Variants in SLAIN2 observed in about 807,000 individuals in gnomAD.
SLAIN2 encodes SLAIN family member 2.
Under a neutral mutation model 56.6 loss-of-function variants are expected in SLAIN2, and 31 were observed. That is an observed-to-expected ratio of 0.55 (90% CI 0.41 to 0.74). The LOEUF is 0.74. SLAIN2 is among the 30% of genes least tolerant of loss of function. SLAIN2 has a pLI of 0.00. For synonymous variants in SLAIN2, 317 were observed against 284.9 expected, an observed-to-expected ratio of 1.11 and a Z score of -1.13; for missense variants, 777 against 754.2, an observed-to-expected ratio of 1.03 and a Z score of -0.35.
chr4:48,348,608 T>C (rs1397727110), intron 1 of SLAIN2, among the ~76,000 whole-genome samples: 1 of 150,156 alleles, frequency 6.7e-6, no homozygotes, highest in African/African-American at 2.5e-5. Context: ...GAGAATTGCT[T>C]GAATCCGGGA....
chr4:48,376,433 T>C (rs1244000543), intron 2 of SLAIN2, among the ~76,000 whole-genome samples: 1 of 134,106 alleles, frequency 7.5e-6, no homozygotes, highest in South Asian at 2.5e-4. Context: ...CCAGCCTGGG[T>C]GACAGCAAAA....
chr4:48,365,528 A>G (rs1189939002), intron 1 of SLAIN2, among the ~76,000 whole-genome samples: 4 of 150,446 alleles, frequency 2.7e-5, no homozygotes, highest in Non-Finnish European at 1.5e-5. Context: ...AATCTTTATA[A>G]TTTCCTTCTG....
At chr4:48,352,981 TTG>T (rs1483236781) in intron 1 of SLAIN2, among the ~76,000 whole-genome samples, 1 of 152,174 alleles carries the variant, frequency 6.6e-6, no homozygotes, top group African/African-American at 2.4e-5. Context: ...GTTTCCGCTT[TTG>T]TGTCTTCCTC....
chr4:48,389,967 GA>G (rs1370747715), intron 6 of SLAIN2, among the ~76,000 whole-genome samples: 1 of 152,148 alleles, frequency 6.6e-6, no homozygotes, highest in African/African-American at 2.4e-5. Flanking sequence ...GGTGAGACTA[GA>G]AACCACTTAG....
intron 4 of SLAIN2, among the ~76,000 whole-genome samples, chr4:48,382,252 A>G (rs1242522487): frequency 2.6e-5 from 4 of 151,972 alleles, no homozygotes; most frequent in Non-Finnish European, 5.9e-5. Flanking sequence ...TCAAATTTGG[A>G]TTACTGTCTT....
chr4:48,418,411 C>A (rs999749948), intron 6 of SLAIN2, among the ~76,000 whole-genome samples: 2 of 152,046 alleles, frequency 1.3e-5, no homozygotes, highest in Admixed American at 6.5e-5. Flanking sequence ...TCCGCTGTTA[C>A]AATTCTGTGA....
At chr4:48,400,183 T>C (rs1716510068) in intron 6 of SLAIN2, among the ~76,000 whole-genome samples, 2 of 152,134 alleles carry the variant, frequency 1.3e-5, no homozygotes, top group African/African-American at 4.8e-5. Context: ...ATTTCAGAAC[T>C]CATTATTGGT....
At chr4:48,348,669 G>A (rs563827230) in intron 1 of SLAIN2, among the ~76,000 whole-genome samples, 15 of 141,140 alleles carry the variant, frequency 1.1e-4, no homozygotes, top group East Asian at 2.0e-4. Flanking sequence ...CAGCCTGGGC[G>A]ACAGAGCAAG....
At position 48,359,883 on chromosome 4, in the gene SLAIN2, C is replaced by T. The variant is rs372761389; in HGVS notation, c.390-9966C>T. 6.8e-4 allele frequency among the ~76,000 whole-genome samples: 103 copies of T among 152,262 alleles called. No homozygotes were observed. The East Asian group carries it at 0.01, about 15-fold the overall frequency. On this transcript the variant is annotated intron_variant, in intron 1 of 7. Transcript: ENST00000264313. ...TATTTAATAGTGGTTAGGCCGGGCA[C>T]GGTGGCTTACGCCTGTAATCCCAGC...
At chr4:48,407,179 A>G (rs1454441717) in intron 6 of SLAIN2, among the ~76,000 whole-genome samples, 2 of 151,830 alleles carry the variant, frequency 1.3e-5, no homozygotes, top group Non-Finnish European at 2.9e-5. Context: ...CTTCTCTCGA[A>G]TTATTTTTTT....
Position 48,420,119 on chromosome 4 carries a change from C to G in SLAIN2, c.1361-6C>G. 6.2e-7 allele frequency: 1 copy of G among 1,612,982 alleles called. No homozygotes were observed. Among genetic ancestry groups the G allele is most frequent in the Non-Finnish European group, 8.5e-7 (1 of 1,179,114 alleles). ...CAAAAATTGGTTTTTCTTTGCCATCCCACAGTACCTTCTCCAGGCAAATTC... is the reference window on the plus strand; with the variant it reads ...CAAAAATTGGTTTTTCTTTGCCATCGCACAGTACCTTCTCCAGGCAAATTC... On this transcript the variant is annotated splice_region_variant and splice_polypyrimidine_tract_variant and intron_variant, in intron 6 of 7. Coordinates refer to ENST00000264313, the MANE Select transcript of SLAIN2 (RefSeq NM_020846.2).
Position 48,420,409 on chromosome 4 carries a change from G to C in SLAIN2, c.1645G>C (p.Val549Leu). The change falls in exon 7 of 8, where the codon GTG (valine) becomes CTG (leucine). Residue 549 changes from valine to leucine, a missense_variant. Physicochemically the swap from Val to Leu is conservative, Grantham distance 32. Transcript: ENST00000264313. ...PSAPSAGGIP[V>L]PRSKLAQPVR... Reference sequence around the variant, plus strand: ...TGCCCCTTCTGCTGGGGGCATACCAGTGCCTCGCAGCAAACTTGCACAGCC... The same window carrying C: ...TGCCCCTTCTGCTGGGGGCATACCACTGCCTCGCAGCAAACTTGCACAGCC... 1.2e-6 allele frequency: 2 copies of C among 1,614,002 alleles called. No individual in the cohort carries two copies. The highest frequency in any genetic ancestry group is 2.2e-5 in the East Asian group (1 of 44,880).
chr4:48,400,455 G>T, intron 6 of SLAIN2, among the ~76,000 whole-genome samples: 1 of 142,872 alleles, frequency 7.0e-6, no homozygotes. Context: ...GTAGTGCAGT[G>T]GCATAATCTT....
chr4:48,387,068 A>G (rs1165385388), intron 6 of SLAIN2, among the ~76,000 whole-genome samples: 1 of 152,142 alleles, frequency 6.6e-6, no homozygotes, highest in Non-Finnish European at 1.5e-5. Flanking sequence ...TACATGTCCA[A>G]ACAGCATCCC....
chr4:48,355,960 C>A (rs1442814896), intron 1 of SLAIN2, among the ~76,000 whole-genome samples: 1 of 151,612 alleles, frequency 6.6e-6, no homozygotes, highest in Non-Finnish European at 1.5e-5. Flanking sequence ...GTTAATAAAC[C>A]TTTGTTATCA....
intron 1 of SLAIN2, among the ~76,000 whole-genome samples, chr4:48,353,498 T>TAGTG (rs1715074242): frequency 6.6e-6 from 1 of 152,134 alleles, no homozygotes; most frequent in Non-Finnish European, 1.5e-5. Context: ...TTTTCCTTTA[T>TAGTG]AGTGAAAATA....
At chr4:48,383,235 A>G (rs184692342) in intron 5 of SLAIN2, among the ~76,000 whole-genome samples, 2 of 151,726 alleles carry the variant, frequency 1.3e-5, no homozygotes, top group Admixed American at 1.3e-4. Context: ...ATATTTCACT[A>G]TGAAAGTAAT....
chr4:48,379,598 T>G, intron 3 of SLAIN2, 92 bp from the exon 4 acceptor site: 4 of 1,041,854 alleles, frequency 3.8e-6, no homozygotes, highest in Non-Finnish European at 5.0e-6. Flanking sequence ...ATGAATTAAA[T>G]CAAAGGGTAT....
chr4:48,361,400 A>G (rs1560451875), intron 1 of SLAIN2, among the ~76,000 whole-genome samples: 1 of 152,208 alleles, frequency 6.6e-6, no homozygotes, highest in Non-Finnish European at 1.5e-5. Context: ...GTGAGAAATG[A>G]AGCTAAAGAA....
Sources: gnomAD v4.1 joint callset for allele counts (sites outside exome capture counted in the v4.1 genomes callset) on GRCh38, gnomAD v4.1.1 for gene constraint, MANE v1.5 for transcripts, NCBI Gene and HGNC (gene_info 2026-07-23, HGNC 2026-07-21) for gene names.